NCOA7: variants seen among roughly 807,000 people sequenced by gnomAD.
NCOA7 encodes the protein nuclear receptor coactivator 7.
In NCOA7, 45 loss-of-function variants were observed where a neutral mutation model predicts 104.3. The ratio of observed to expected loss-of-function variants is 0.43; its 90% confidence interval spans 0.34 to 0.55. NCOA7 has a LOEUF of 0.55. NCOA7 is among the 20% of genes least tolerant of loss of function. The pLI, the probability that NCOA7 is intolerant of heterozygous loss-of-function variation, is 0.02. For missense variants in NCOA7, 1,041 were observed against 1,119.7 expected (o/e 0.93, Z 1.00); for synonymous variants, 398 against 402.3 (o/e 0.99, Z 0.13).
At chr6:125,814,878 C>T (rs1263762488) in intron 1 of NCOA7, among the ~76,000 whole-genome samples, 1 of 152,044 alleles carries the variant, frequency 6.6e-6, no homozygotes, top group Non-Finnish European at 1.5e-5. Flanking sequence ...TTGTAAAACA[C>T]CTAAGTGAGC....
At chr6:125,848,263 C>G (rs1780798023) in intron 2 of NCOA7, among the ~76,000 whole-genome samples, 1 of 152,076 alleles carries the variant, frequency 6.6e-6, no homozygotes, top group Non-Finnish European at 1.5e-5. Context: ...GGATCTAGAA[C>G]TAGAAATACC....
rs964543003 is a variant in NCOA7, at chr6:125,862,559, C to T, written c.271+7319C>T. 5.1e-5 allele frequency among the ~76,000 whole-genome samples: 7 copies of T among 138,362 alleles called. 2 individuals are homozygous for T. The highest frequency in any genetic ancestry group is 2.1e-4 in the African/African-American group (7 of 33,272). 90.8% of individuals were successfully genotyped at this position (138,362 alleles called of 152,430 possible). On this transcript the variant is annotated intron_variant, in intron 3 of 15. Transcript: ENST00000392477. Reference sequence around the variant, plus strand: ...AATTAGGTCATTTTGGCAGTGCCCACGTGAATGGCATTTTTGCCACTGTGG... The same window carrying T: ...AATTAGGTCATTTTGGCAGTGCCCATGTGAATGGCATTTTTGCCACTGTGG...
chr6:125,850,557 C>T (rs943324186), intron 2 of NCOA7, among the ~76,000 whole-genome samples: 2 of 152,046 alleles, frequency 1.3e-5, no homozygotes, highest in African/African-American at 2.4e-5. Context: ...ACAGTGCTGC[C>T]GTTCATCAAA....
chr6:125,841,546 A>G (rs1780179264), intron 2 of NCOA7, among the ~76,000 whole-genome samples: 1 of 152,090 alleles, frequency 6.6e-6, no homozygotes, highest in Non-Finnish European at 1.5e-5. Flanking sequence ...GAGCGTGATC[A>G]AGACCGTCTT....
In NCOA7 at chr6:125,929,503, T is replaced by G. The variant is rs1788333582; in HGVS notation, c.*732T>G. On this transcript the variant is annotated 3_prime_UTR_variant, in exon 16 of 16. Transcript: ENST00000392477. Reference sequence around the variant, plus strand: ...ATATAGAGATATATGTGTGTGTGTATGTATATGTACATATACATATATATG... The same window carrying G: ...ATATAGAGATATATGTGTGTGTGTAGGTATATGTACATATACATATATATG... 4 of 152,080 alleles carry G rather than the reference T, an allele frequency of 2.6e-5. No homozygotes were observed. 9.4% of individuals were successfully genotyped at this position (152,080 alleles called of 1,614,324 possible).
intron 10 of NCOA7, among the ~76,000 whole-genome samples, chr6:125,912,036 T>G (rs1184104578): frequency 1.3e-5 from 2 of 152,212 alleles, no homozygotes; most frequent in African/African-American, 4.8e-5. Context: ...AGGTAAAACT[T>G]TCTACTGATA....
chr6:125,842,200 G>A (rs189045291), intron 2 of NCOA7, among the ~76,000 whole-genome samples: 6 of 152,198 alleles, frequency 3.9e-5, no homozygotes, highest in East Asian at 3.9e-4. Context: ...AAACTGATTC[G>A]TTTCAGGATT....
intron 2 of NCOA7, among the ~76,000 whole-genome samples, chr6:125,831,835 G>C (rs1227197087): frequency 1.3e-5 from 2 of 152,046 alleles, no homozygotes; most frequent in African/African-American, 4.8e-5. Context: ...CACTTTCTAT[G>C]CCTGTTCCTA....
chr6:125,901,936 C>T (rs937939759), intron 10 of NCOA7, among the ~76,000 whole-genome samples: 2 of 152,126 alleles, frequency 1.3e-5, no homozygotes, highest in Admixed American at 1.3e-4. Context: ...CGACCGTCCC[C>T]GACCAAACTT....
At chr6:125,903,188 T>C (rs1785658749) in intron 10 of NCOA7, among the ~76,000 whole-genome samples, 1 of 152,196 alleles carries the variant, frequency 6.6e-6, no homozygotes, top group South Asian at 2.1e-4. Flanking sequence ...TGAAGAAATC[T>C]GATTAAGGCC....
intron 1 of NCOA7, among the ~76,000 whole-genome samples, chr6:125,783,007 G>A (rs1012008973): frequency 4.6e-5 from 7 of 152,274 alleles, no homozygotes; most frequent in Admixed American, 4.6e-4. Context: ...AGACTCATCT[G>A]GCCATTGCTG....
At chr6:125,787,809 G>T (rs1774540501), upstream of NCOA7, among the ~76,000 whole-genome samples, 1 of 152,164 alleles carries the variant, frequency 6.6e-6, no homozygotes, top group African/African-American at 2.4e-5. Flanking sequence ...TCATAATAAA[G>T]TATATTATTC....
intron 3 of NCOA7, among the ~76,000 whole-genome samples, chr6:125,867,168 C>CA (rs1782505423): frequency 6.6e-6 from 1 of 152,180 alleles, no homozygotes; most frequent in Non-Finnish European, 1.5e-5. Flanking sequence ...GCTTCTGTTA[C>CA]AAAAATTAAA....
chr6:125,809,956 C>G (rs901685314), intron 1 of NCOA7, among the ~76,000 whole-genome samples: 3 of 151,972 alleles, frequency 2.0e-5, no homozygotes, highest in Non-Finnish European at 4.4e-5. Flanking sequence ...CCACAGCTGA[C>G]AGGCTGAGAG....
intron 1 of NCOA7, among the ~76,000 whole-genome samples, chr6:125,807,011 T>TATAAAAC (rs1776526446): frequency 6.6e-6 from 1 of 152,222 alleles, no homozygotes; most frequent in Non-Finnish European, 1.5e-5. Context: ...TTGCTCAGTA[T>TATAAAAC]GTGCCCTGTC....
At chr6:125,865,664 T>C (rs1190370638) in intron 3 of NCOA7, among the ~76,000 whole-genome samples, 1 of 136,098 alleles carries the variant, frequency 7.3e-6, no homozygotes, top group Non-Finnish European at 1.6e-5. Context: ...AGTTTATTTA[T>C]TTTATGTTTT....
rs2128653407 is a variant in NCOA7 at position 125,886,014 on chromosome 6, ATAATC to A, written c.884+673_884+677del. Among the ~76,000 whole-genome samples the A allele has an allele frequency of 1.3e-5, 2 of 152,296 alleles. 1 individual carries two copies. Among genetic ancestry groups the A allele is most frequent in the South Asian group, 4.1e-4 (2 of 4,822 alleles). On this transcript the variant is annotated intron_variant, in intron 8 of 15. Transcript: ENST00000392477. ...TCAGGAAATTGATTAACTGATACAG[ATAATC>A]TGATTTTTACTGTCCTTTCGCTCTA...
At chr6:125,905,552 G>A (rs902695249) in intron 10 of NCOA7, among the ~76,000 whole-genome samples, 3 of 152,074 alleles carry the variant, frequency 2.0e-5, no homozygotes, top group African/African-American at 7.2e-5. Flanking sequence ...GTGAGCCACC[G>A]CACCCAGTCA....
At chr6:125,921,264 G>T (rs1170938309) in intron 12 of NCOA7, among the ~76,000 whole-genome samples, 196 bp downstream of exon 12, 1 of 152,120 alleles carries the variant, frequency 6.6e-6, no homozygotes, top group African/African-American at 2.4e-5. Flanking sequence ...ACAAAAATTG[G>T]CCGGGCGTGA....
Sources: allele counts gnomAD v4.1 joint callset (sites outside exome capture counted in the v4.1 genomes callset), GRCh38; gene constraint gnomAD v4.1.1; transcripts MANE v1.5; gene names NCBI Gene and HGNC (gene_info 2026-07-23, HGNC 2026-07-21).